The following UTP4 variants were observed in gnomAD, a reference collection of about 807,000 sequenced individuals.
The protein encoded by UTP4 is UTP4 small subunit processome component, also known as U3 small nucleolar RNA-associated protein 4 homolog.
A neutral mutation model predicts 82.4 loss-of-function variants in UTP4; 45 were observed. The ratio of observed to expected loss-of-function variants is 0.55; its 90% confidence interval spans 0.43 to 0.70. The LOEUF (loss-of-function observed/expected upper bound fraction) is 0.70, where lower values mean the gene tolerates loss of function less well. Among genes scored for constraint, UTP4 ranks in the 30% least tolerant of loss-of-function variants. The probability of loss-of-function intolerance (pLI) is 0.00; values close to 1 mark genes in which losing one functional copy is unlikely to be tolerated. For synonymous variants in UTP4, 348 were observed against 300.3 expected (o/e 1.16, Z -1.64); for missense variants, 819 against 858.3 (o/e 0.95, Z 0.57).
intron 12 of UTP4, among the ~76,000 whole-genome samples, chr16:69,157,835 GATCCTCCC>G (rs1428085159): frequency 1.4e-5 from 2 of 144,034 alleles, no homozygotes; most frequent in African/African-American, 2.6e-5. Flanking sequence ...GGGGTCAAGT[GATCCTCCC>G]ATCCTGCCCT....
chr16:69,139,943 T>C, intron 5 of UTP4, 29 bp downstream of exon 5: 1 of 1,508,382 alleles, frequency 6.6e-7, no homozygotes, highest in Middle Eastern at 1.7e-4. Flanking sequence ...TCATTTGGGG[T>C]GTGGGTTTTG....
chr16:69,163,015 A>G (rs1963602679), intron 13 of UTP4, 68 bp from the exon 14 acceptor site: 1 of 1,207,196 alleles, frequency 8.3e-7, no homozygotes, highest in Non-Finnish European at 1.2e-6. Context: ...CCTGACCTAG[A>G]CCATTCAATC....
intron 8 of UTP4, among the ~76,000 whole-genome samples, chr16:69,151,479 G>A (rs1244513245): frequency 6.6e-6 from 1 of 151,622 alleles, no homozygotes; most frequent in Non-Finnish European, 1.5e-5. Flanking sequence ...CCACCACCAC[G>A]CCCGGCTAAT....
chr16:69,156,211 A>G (rs1033902413), intron 11 of UTP4, among the ~76,000 whole-genome samples: 21 of 146,798 alleles, frequency 1.4e-4, no homozygotes, highest in Middle Eastern at 3.8e-3. Flanking sequence ...CTGTAGTGCA[A>G]TGGCACAGTC....
chr16:69,152,769 G>A (rs1010839938), intron 8 of UTP4, among the ~76,000 whole-genome samples: 12 of 152,064 alleles, frequency 7.9e-5, no homozygotes, highest in East Asian at 1.9e-4. Flanking sequence ...CACTGTGCCC[G>A]GCCTCGGCTA....
chr16:69,139,761 G>A, intron 4 of UTP4, 64 bp from the exon 5 acceptor site: 1 of 1,047,550 alleles, frequency 9.5e-7, no homozygotes, highest in South Asian at 1.3e-5. Flanking sequence ...TGGGAAGAGA[G>A]CTCAGTTACT....
chr16:69,147,750 C>G (rs1421998372), intron 6 of UTP4, among the ~76,000 whole-genome samples: 6 of 151,988 alleles, frequency 3.9e-5, no homozygotes, highest in Admixed American at 3.3e-4. Flanking sequence ...TAGTTTTGTA[C>G]AATATTTTAT....
chr16:69,138,217 A>T (rs1441684077), intron 4 of UTP4, among the ~76,000 whole-genome samples: 1 of 150,174 alleles, frequency 6.7e-6, no homozygotes, highest in East Asian at 1.9e-4. Context: ...GTCATTAGGA[A>T]CTATGGTTCT....
chr16:69,160,514 T>C, intron 13 of UTP4, 52 bp downstream of exon 13: 2 of 1,305,514 alleles, frequency 1.5e-6, no homozygotes, highest in Non-Finnish European at 2.2e-6. Context: ...AGGAGCCAGT[T>C]CACCCTGCAG....
chr16:69,158,079 G>A lies in UTP4; in HGVS notation c.1444+839G>A, dbSNP rs115970901. Among the ~76,000 whole-genome samples, 742 of 149,130 alleles carry A rather than the reference G, an allele frequency of 5.0e-3. 4 individuals carry two copies. The highest frequency in any genetic ancestry group is 0.018 in the African/African-American group (723 of 40,150). On this transcript the variant is annotated intron_variant, in intron 12 of 16. Transcript: ENST00000314423. Reference sequence around the variant, plus strand: ...TGGTAGTTGTTTTGATACTTCCTATGGGCCTTTCACCTCTCCCTTGTCCTG... The same window carrying A: ...TGGTAGTTGTTTTGATACTTCCTATAGGCCTTTCACCTCTCCCTTGTCCTG...
chr16:69,133,233 C>T (rs897320477), intron 1 of UTP4, among the ~76,000 whole-genome samples: 5 of 151,692 alleles, frequency 3.3e-5, no homozygotes, highest in South Asian at 2.1e-4. Flanking sequence ...GGAGTAGGAC[C>T]CTTTTTGATT....
At chr16:69,165,634 T>G in intron 15 of UTP4, 108 bp downstream of exon 15, 1 of 898,586 alleles carries the variant, frequency 1.1e-6, no homozygotes. Context: ...AGGTAGCTAG[T>G]AAATCAGAAT....
chr16:69,164,584 CTTTA>C (rs920215958), intron 14 of UTP4, among the ~76,000 whole-genome samples: 6 of 81,752 alleles, frequency 7.3e-5, no homozygotes, highest in African/African-American at 2.6e-4. Flanking sequence ...TCTAATCATT[CTTTA>C]TATATATATA....
At chr16:69,157,267 G>T (rs1597148787) in intron 12 of UTP4, 27 bp downstream of exon 12, 1 of 1,612,508 alleles carries the variant, frequency 6.2e-7, no homozygotes, top group East Asian at 2.2e-5. Context: ...TGGCCATGGG[G>T]AGACTTGTCG....
chr16:69,141,646 T>C (rs1344910563), intron 5 of UTP4, among the ~76,000 whole-genome samples: 2 of 152,138 alleles, frequency 1.3e-5, no homozygotes, highest in Non-Finnish European at 2.9e-5. Flanking sequence ...ATTCTTTTAC[T>C]CTTATTTTTC....
At chr16:69,144,648 C>T (rs1217616176) in intron 6 of UTP4, among the ~76,000 whole-genome samples, 1 of 152,240 alleles carries the variant, frequency 6.6e-6, no homozygotes, top group Non-Finnish European at 1.5e-5. Flanking sequence ...TGCTATCCCA[C>T]ATGCCGACAT....
intron 9 of UTP4, 169 bp downstream of exon 9, chr16:69,153,849 A>G (rs1963341759): frequency 1.5e-6 from 1 of 661,956 alleles, no homozygotes; most frequent in Non-Finnish European, 2.7e-6. Flanking sequence ...TTAGAGTATT[A>G]GAATCTTTAG....
chr16:69,132,998 G>C (rs533250311), intron 1 of UTP4: 4 of 237,046 alleles, frequency 1.7e-5, no homozygotes, highest in Admixed American at 5.3e-5. Flanking sequence ...GCGGGCGTCG[G>C]GGGGACGGGG....
chr16:69,157,924 C>T (rs562163578), intron 12 of UTP4, among the ~76,000 whole-genome samples: 10 of 116,786 alleles, frequency 8.6e-5, no homozygotes, highest in Admixed American at 3.3e-4. Context: ...AGTTTAATTA[C>T]CTGTGTTCAT....
Sources: allele counts gnomAD v4.1 joint callset (sites outside exome capture counted in the v4.1 genomes callset), GRCh38; gene constraint gnomAD v4.1.1; transcripts MANE v1.5; gene names NCBI Gene and HGNC (gene_info 2026-07-23, HGNC 2026-07-21).